Variants in ACVR1B observed in about 807,000 individuals in gnomAD.
The protein encoded by ACVR1B is activin A receptor type 1B, also known as activin receptor type-1B.
ACVR1B carries 15 observed loss-of-function variants against 55.6 expected under a neutral mutation model. That is an observed-to-expected ratio of 0.27 (90% CI 0.18 to 0.42). The LOEUF (loss-of-function observed/expected upper bound fraction) is 0.42. ACVR1B is among the 10% of genes least tolerant of loss of function. ACVR1B has a pLI of 1.00. For synonymous variants in ACVR1B, 247 were observed against 254.6 expected (o/e 0.97, Z 0.28); for missense variants, 359 against 670.1 (o/e 0.54, Z 5.13).
At chr12:51,986,219 C>T (rs1942072848) in intron 6 of ACVR1B, among the ~76,000 whole-genome samples, 1 of 152,174 alleles carries the variant, frequency 6.6e-6, no homozygotes, top group Admixed American at 6.5e-5. Flanking sequence ...AGTACTTCTG[C>T]CAAGAAGTCA....
intron 1 of ACVR1B, among the ~76,000 whole-genome samples, chr12:51,961,808 A>G (rs1393428749): frequency 5.3e-5 from 8 of 152,242 alleles, no homozygotes; most frequent in Admixed American, 5.2e-4. Flanking sequence ...AACTGATATC[A>G]AAGGAGAAAT....
intron 4 of ACVR1B, among the ~76,000 whole-genome samples, chr12:51,981,614 T>G (rs1941980771): frequency 1.3e-5 from 2 of 152,116 alleles, no homozygotes; most frequent in African/African-American, 4.8e-5. Context: ...GGCAGATCAC[T>G]TGAGGTCAGG....
chr12:51,964,801 A>C (rs909224890), intron 1 of ACVR1B, among the ~76,000 whole-genome samples: 2 of 152,268 alleles, frequency 1.3e-5, no homozygotes, highest in Non-Finnish European at 2.9e-5. Context: ...TGGATTCTCA[A>C]TTCGGTTCTG....
chr12:51,964,098 G>C (rs1273978877), intron 1 of ACVR1B, among the ~76,000 whole-genome samples: 1 of 152,164 alleles, frequency 6.6e-6, no homozygotes, highest in Non-Finnish European at 1.5e-5. Flanking sequence ...TATATCTTCG[G>C]AGAAATGTCT....
At chr12:51,956,719 A>G (rs1163703720) in intron 1 of ACVR1B, among the ~76,000 whole-genome samples, 2 of 152,170 alleles carry the variant, frequency 1.3e-5, no homozygotes, top group Non-Finnish European at 2.9e-5. Context: ...GCCTCTGGTC[A>G]CTTTTTCAAC....
In ACVR1B at chr12:51,991,971, C is replaced by G. The variant is rs750709751; in HGVS notation, c.1370C>G (p.Pro457Arg). The G allele has an allele frequency of 6.2e-7, 1 of 1,614,202 alleles. No homozygotes were observed. The highest frequency in any genetic ancestry group is 2.2e-5 in the East Asian group (1 of 44,878). The change falls in exon 8 of 9, where the codon CCC (proline) becomes CGC (arginine). Residue 457 changes from proline (P) to arginine (R), a missense_variant. Transcript: ENST00000257963. ...GATCAGAAGCTGCGTCCCAACATCC[C>G]CAACTGGTGGCAGAGTTATGAGGTA... Reference protein sequence around the residue: ...VCDQKLRPNIPNWWQSYEALR... With the variant: ...VCDQKLRPNIRNWWQSYEALR...
chr12:51,976,289 C>T (rs775007879), intron 2 of ACVR1B, 38 bp from the exon 3 acceptor site: 3 of 1,611,068 alleles, frequency 1.9e-6, no homozygotes, highest in Admixed American at 1.7e-5. Flanking sequence ...CTTGTTTTTA[C>T]TTCTCATTCT....
chr12:51,991,760 G>T (rs896745358), intron 7 of ACVR1B, 103 bp from the exon 8 acceptor site: 6 of 1,241,702 alleles, frequency 4.8e-6, no homozygotes, highest in South Asian at 3.0e-5. Flanking sequence ...GGAACCTTAG[G>T]GGGTAGTGGT....
chr12:51,987,147 G>A (rs113784425), intron 7 of ACVR1B: 59 of 744,784 alleles, frequency 7.9e-5, no homozygotes, highest in Admixed American at 7.6e-4. Context: ...GTTGAATAGC[G>A]TTGTGTGTTA....
intron 7 of ACVR1B, among the ~76,000 whole-genome samples, chr12:51,988,934 A>G (rs1942133776): frequency 2.0e-5 from 3 of 152,104 alleles, no homozygotes; most frequent in Non-Finnish European, 4.4e-5. Flanking sequence ...CTTGGGCTAC[A>G]TGGTGAAACT....
intron 7 of ACVR1B, chr12:51,987,311 A>G (rs934049731): frequency 1.8e-6 from 1 of 547,440 alleles, no homozygotes; most frequent in Non-Finnish European, 3.2e-6. Context: ...GTGGCTCCCA[A>G]GCCACATTCA....
At position 51,981,195 on chromosome 12, in the gene ACVR1B, T is replaced by C; in HGVS notation, c.807T>C (p.Asn269=). The C allele has an allele frequency of 6.2e-7, 1 of 1,613,758 alleles. No individual in the cohort carries two copies. The highest frequency in any genetic ancestry group is 8.5e-7 in the Non-Finnish European group (1 of 1,179,774). The stretch of plus-strand genomic sequence containing the variant: ...TCCTTGGATTTATTGCTGCTGACAA[T>C]AAAGGTAAGGGCTGGGCTTGGATAC... The part of the protein sequence containing the change: ...ENILGFIAAD[N]KDNGTWTQLW... The change falls in exon 4 of 9, where the codon AAT becomes AAC. Residue 269 remains asparagine (N), a synonymous_variant. Transcript: ENST00000257963.
At chr12:51,951,913 C>T in intron 1 of ACVR1B, 79 bp downstream of exon 1, 1 of 892,374 alleles carries the variant, frequency 1.1e-6, no homozygotes, top group Non-Finnish European at 1.5e-6. Context: ...GGCCGCTGGA[C>T]TACAGCGCGC....
chr12:51,992,177 T>A lies in ACVR1B; in HGVS notation c.1392+184T>A, dbSNP rs2120760973. On this transcript the variant is annotated intron_variant, in intron 8 of 8. Transcript: ENST00000257963. ...CTACAGTCTCTTGTCCTGGACCCTG[T>A]AGGGTGCCATTTGGAGTTCACAGCC... The A allele has an allele frequency of 4.0e-6, 3 of 747,130 alleles. No individual in the cohort carries two copies. In the Admixed American group the frequency reaches 8.9e-5, roughly 22 times the overall value. 46.3% of individuals were successfully genotyped at this position (747,130 alleles called of 1,614,324 possible). A position where few individuals can be genotyped will look rare whatever the true frequency, so the allele number is the denominator to read the frequency against.
chr12:51,982,643 G>T (rs1942001555), intron 4 of ACVR1B: 3 of 1,493,302 alleles, frequency 2.0e-6, no homozygotes, highest in Non-Finnish European at 2.7e-6. Flanking sequence ...TGTCTACAAA[G>T]CCTACAGAAG....
chr12:51,992,224 G>A, intron 8 of ACVR1B: 1 of 582,162 alleles, frequency 1.7e-6, no homozygotes, highest in South Asian at 2.3e-5. Flanking sequence ...AAGGCTTTGG[G>A]CCTGGTGTGG....
intron 1 of ACVR1B, among the ~76,000 whole-genome samples, chr12:51,954,917 C>T (rs988397095): frequency 6.6e-6 from 1 of 152,176 alleles, no homozygotes; most frequent in African/African-American, 2.4e-5. Flanking sequence ...GATTGATAGA[C>T]GTACAGCATG....
intron 1 of ACVR1B, among the ~76,000 whole-genome samples, chr12:51,969,543 G>A (rs577519347): frequency 1.6e-3 from 240 of 152,296 alleles, no homozygotes; most frequent in African/African-American, 5.4e-3. Flanking sequence ...CTACCCACTC[G>A]AGAGAAGGTG....
chr12:51,986,484 T>C (rs573681647), intron 6 of ACVR1B, among the ~76,000 whole-genome samples: 3 of 152,338 alleles, frequency 2.0e-5, no homozygotes, highest in Admixed American at 6.5e-5. Context: ...GGTCTCCAAC[T>C]CCTGCCCTCA....
Sources: allele counts gnomAD v4.1 joint callset (sites outside exome capture counted in the v4.1 genomes callset), GRCh38; gene constraint gnomAD v4.1.1; transcripts MANE v1.5; gene names NCBI Gene and HGNC (gene_info 2026-07-23, HGNC 2026-07-21).